The following NHSL2 variants were observed in gnomAD, a reference collection of about 807,000 sequenced individuals.
NHSL2 encodes the protein NHS like 2, also known as NHS-like protein 2.
A neutral mutation model predicts 53.4 loss-of-function variants in NHSL2; 27 were observed. That is an observed-to-expected ratio of 0.51 (90% CI 0.37 to 0.70). The LOEUF is 0.70. Ranked by LOEUF, NHSL2 falls within the 30% of genes least tolerant of loss-of-function variation. The probability of loss-of-function intolerance (pLI) is 0.00; values close to 1 mark genes in which losing one functional copy is unlikely to be tolerated. For synonymous variants in NHSL2, 408 were observed against 404.1 expected, an observed-to-expected ratio of 1.01 and a Z score of -0.12; for missense variants, 892 against 980.1, an observed-to-expected ratio of 0.91 and a Z score of 1.20.
At chrX:72,080,668 TG>T (rs2041784291) in intron 1 of NHSL2, among the ~76,000 whole-genome samples, 1 of 110,291 alleles carries the variant, frequency 9.1e-6, no homozygotes, top group African/African-American at 3.3e-5. Context: ...GTCCCTTCGG[TG>T]GTAGAAAATT....
intron 1 of NHSL2, among the ~76,000 whole-genome samples, chrX:71,962,627 CTTTTTTT>C (rs57600316): frequency 1.8e-5 from 1 of 54,786 alleles, no homozygotes. Context: ...CATCTCTTTC[CTTTTTTT>C]TTTTTTTTTT....
chrX:72,083,721 G>T lies in NHSL2; in HGVS notation c.281-48358G>T, dbSNP rs959482159. 2.7e-5 allele frequency among the ~76,000 whole-genome samples: 3 copies of T among 112,070 alleles called. No homozygotes were observed. The Admixed American group carries it at 2.8e-4, about 11-fold the overall frequency. ...AAAAAACAATTCACTTAGAGAAAAAGATTAAGTGAATTGTAAATAGAACCA... is the reference window on the plus strand; with the variant it reads ...AAAAAACAATTCACTTAGAGAAAAATATTAAGTGAATTGTAAATAGAACCA... On this transcript the variant is annotated intron_variant, in intron 1 of 7. Coordinates refer to ENST00000633930, the MANE Select transcript of NHSL2 (RefSeq NM_001013627.3).
At chrX:72,041,977 G>A (rs967734382) in intron 1 of NHSL2, among the ~76,000 whole-genome samples, 4 of 111,989 alleles carry the variant, frequency 3.6e-5, no homozygotes, top group Non-Finnish European at 7.5e-5. Context: ...CTGTTTTCCC[G>A]CAACCCTCAG....
chrX:71,957,354 C>T (rs2147845812), intron 1 of NHSL2, among the ~76,000 whole-genome samples: 1 of 112,415 alleles, frequency 8.9e-6, no homozygotes, highest in East Asian at 2.8e-4. Context: ...GCGAGCTCCG[C>T]CTCCCGGGTT....
chrX:72,049,969 T>A (rs2042330288), intron 1 of NHSL2, among the ~76,000 whole-genome samples: 1 of 105,514 alleles, frequency 9.5e-6, no homozygotes, highest in Non-Finnish European at 1.9e-5. Flanking sequence ...TATAACTAGC[T>A]TCTAGTTGTA....
At chrX:72,130,583 G>A (rs900141511) in intron 1 of NHSL2, 2 of 1,209,682 alleles carry the variant, frequency 1.7e-6, no homozygotes, top group East Asian at 3.0e-5. Flanking sequence ...CGAACTCCAG[G>A]GAGCGGGATA....
At chrX:72,069,805 C>A in intron 1 of NHSL2, 1 of 696,397 alleles carries the variant, frequency 1.4e-6, no homozygotes, top group Non-Finnish European at 1.9e-6. Flanking sequence ...CAGGGCCTCC[C>A]AGCTGCTGCC....
intron 1 of NHSL2, among the ~76,000 whole-genome samples, chrX:71,989,307 C>G (rs1339181947): frequency 1.1e-5 from 1 of 93,812 alleles, no homozygotes; most frequent in Admixed American, 1.4e-4. Context: ...CGAGATCGCT[C>G]CACTGCACTC....
At chrX:72,092,133 C>T (rs768854718) in intron 1 of NHSL2, among the ~76,000 whole-genome samples, 1 of 111,544 alleles carries the variant, frequency 9.0e-6, no homozygotes, top group Non-Finnish European at 1.9e-5. Context: ...TTTCAGGTTG[C>T]GAGAACAAAG....
At chrX:71,931,234 A>T (rs2041711421) in intron 1 of NHSL2, among the ~76,000 whole-genome samples, 1 of 112,038 alleles carries the variant, frequency 8.9e-6, no homozygotes, top group Non-Finnish European at 1.9e-5. Flanking sequence ...TTGTTGTGGA[A>T]TTATAGTTCT....
At chrX:72,007,094 G>A (rs1446623498) in intron 1 of NHSL2, among the ~76,000 whole-genome samples, 1 of 112,058 alleles carries the variant, frequency 8.9e-6, no homozygotes, top group Admixed American at 9.4e-5. Context: ...TTTGGATGAG[G>A]GTTTGTGGAA....
Position 72,135,872 on chromosome X carries a change from C to T in NHSL2, c.760+1168C>T, listed in dbSNP as rs765954734. ...CAACATGGTGAAACCCCATCTCTAC[C>T]AAAAATACAAAAAAATAGCCAGGCG... On this transcript the variant is annotated intron_variant, in intron 4 of 7. Coordinates refer to ENST00000633930, the MANE Select transcript of NHSL2 (RefSeq NM_001013627.3). Among the ~76,000 whole-genome samples, 6 of 110,627 alleles carry T rather than the reference C, an allele frequency of 5.4e-5. No homozygotes were observed. The East Asian group carries it at 1.7e-3, about 31-fold the overall frequency.
In NHSL2 at chrX:72,146,591, T is replaced by C. The variant is rs2042465862; in HGVS notation, c.*3017T>C. On this transcript the variant is annotated 3_prime_UTR_variant, in exon 8 of 8. Coordinates refer to ENST00000633930, the MANE Select transcript of NHSL2 (RefSeq NM_001013627.3). ...ATTTCAAGTCGTCCCTATCCTCTTT[T>C]TTCCTCCCCATTCCAGTTAGTAGCA... 1 of 112,278 alleles carries C rather than the reference T, an allele frequency of 8.9e-6. No homozygotes were observed. The highest frequency in any genetic ancestry group is 3.7e-4 in the South Asian group (1 of 2,701). 9.3% of individuals were successfully genotyped at this position (112,278 alleles called of 1,213,427 possible).
rs377311438 is a variant in NHSL2, at chrX:72,139,370, C to G, written c.1822C>G (p.Gln608Glu). Residue 608 changes from glutamine (Q) to glutamate (E), a missense_variant, in exon 6 of 8, where the codon CAA becomes GAA. Gln to Glu is a conservative substitution (Grantham distance 29). Coordinates refer to ENST00000633930, the MANE Select transcript of NHSL2 (RefSeq NM_001013627.3). ...PKSLCLSLEHQGHHSSHPDAQ... is the reference protein window; with the variant it reads ...PKSLCLSLEHEGHHSSHPDAQ... The stretch of plus-strand genomic sequence containing the variant: ...GAGCCTTTGCCTCTCCTTGGAACAT[C>G]AAGGACATCACTCGTCCCACCCAGA... 2.5e-6 allele frequency: 3 copies of G among 1,208,464 alleles called. No individual in the cohort carries two copies. The highest frequency in any genetic ancestry group is 3.5e-5 in the African/African-American group (2 of 57,149).
intron 1 of NHSL2, among the ~76,000 whole-genome samples, chrX:72,085,819 ACTCC>A (rs1214194585): frequency 9.6e-6 from 1 of 104,528 alleles, no homozygotes; most frequent in Non-Finnish European, 1.9e-5. Flanking sequence ...GCTGCTCCCT[ACTCC>A]CTCCCTACCA....
intron 1 of NHSL2, among the ~76,000 whole-genome samples, chrX:71,931,423 C>T (rs749814860): frequency 2.6e-4 from 29 of 112,054 alleles, no homozygotes; most frequent in African/African-American, 7.8e-4. Flanking sequence ...TGCCATCATA[C>T]GTAAGAGACC....
In NHSL2 at chrX:72,150,421, A is replaced by G. The variant is rs751616386; in HGVS notation, c.*6847A>G. On this transcript the variant is annotated 3_prime_UTR_variant, in exon 8 of 8. Transcript: ENST00000633930. ...CAACCCAACCAATATTAGCTTTCCC[A>G]GAGTCTACTTTAGCCTTCCCTTCTT... 2.1e-4 allele frequency: 23 copies of G among 112,040 alleles called. No individual in the cohort carries two copies. Among genetic ancestry groups the G allele is most frequent in the Non-Finnish European group, 3.6e-4 (19 of 53,203 alleles). The allele number at this position is 112,040 out of a possible 1,213,427, so 9.2% of individuals were successfully genotyped here. A position where few individuals can be genotyped will look rare whatever the true frequency, so the allele number is the denominator to read the frequency against.
chrX:72,142,429 G>A (rs1219192544), intron 7 of NHSL2, 65 bp downstream of exon 7: 3 of 834,076 alleles, frequency 3.6e-6, no homozygotes, highest in Non-Finnish European at 5.0e-6. Flanking sequence ...AAGAAAACCT[G>A]CTATTCCACA....
chrX:72,002,156 G>A (rs2042075174), intron 1 of NHSL2, among the ~76,000 whole-genome samples: 1 of 111,615 alleles, frequency 9.0e-6, no homozygotes, highest in Admixed American at 9.5e-5. Context: ...ATGGCCGGGT[G>A]GCAGCTTCCA....
Sources: allele counts gnomAD v4.1 joint callset (sites outside exome capture counted in the v4.1 genomes callset), GRCh38; gene constraint gnomAD v4.1.1; transcripts MANE v1.5; gene names NCBI Gene and HGNC (gene_info 2026-07-23, HGNC 2026-07-21).